APBB3: variants seen among roughly 807,000 people sequenced by gnomAD.
APBB3 encodes amyloid-beta A4 precursor protein-binding family B member 3.
APBB3 carries 50 observed loss-of-function variants against 61.5 expected under a neutral mutation model. The ratio of observed to expected loss-of-function variants is 0.81; its 90% confidence interval spans 0.65 to 1.03. APBB3 has a LOEUF of 1.03. APBB3 is among the 50% of genes least tolerant of loss of function. The pLI, the probability that APBB3 is intolerant of heterozygous loss-of-function variation, is 0.00. For synonymous variants in APBB3, 235 were observed against 233.0 expected (o/e 1.01, Z -0.08); for missense variants, 550 against 637.4 (o/e 0.86, Z 1.48).
Position 140,558,668 on chromosome 5 carries a change from C to T in APBB3, c.1378G>A (p.Ala460Thr), listed in dbSNP as rs1447075968. The change falls in exon 13 of 13, where the codon GCA becomes ACA. Residue 460 changes from alanine (A) to threonine (T), a missense_variant. Physicochemically the swap from Ala to Thr is moderately conservative, Grantham distance 58. Transcript: ENST00000357560. ...LPLLKGGVGG[A>T]GATPRKRGVF... ...CCCCGCTTTCGAGGGGTTGCCCCTG[C>T]ACCGCCAACCCCTCCTTTGAGCAGG... The T allele has an allele frequency of 3.1e-6, 5 of 1,613,534 alleles. No individual in the cohort carries two copies. In the African/African-American group the frequency reaches 4.0e-5, roughly 13 times the overall value.
intron 12 of APBB3, 123 bp from the exon 13 acceptor site, chr5:140,558,944 G>A: frequency 1.2e-6 from 1 of 851,964 alleles, no homozygotes; most frequent in Non-Finnish European, 1.9e-6. Flanking sequence ...TCAGCCACAT[G>A]TGGAGTTTCT....
chr5:140,563,311 G>C, intron 3 of APBB3: 1 of 482,850 alleles, frequency 2.1e-6, no homozygotes, highest in Non-Finnish European at 3.7e-6. Context: ...CCCCAAAGTG[G>C]GACAAGAGAC....
Position 140,561,431 on chromosome 5 carries a change from C to A in APBB3, c.766G>T (p.Glu256Ter). The change falls in exon 9 of 13, where the codon GAG (glutamate) becomes TAG (stop). Residue 256 changes from glutamate to a stop codon, truncating the protein, a stop_gained. Coordinates refer to ENST00000357560, the MANE Select transcript of APBB3 (RefSeq NM_133173.3). LOFTEE classifies it high-confidence loss of function. ...CAGCAAGAGGCATCACCACTGACCT[C>A]TACTCGCTCTGACAAGATCTAAAAC... ...LCAQILSERV[E>*]VSGDASCCSP... 1.2e-6 allele frequency: 2 copies of A among 1,614,198 alleles called. No homozygotes were observed. Among genetic ancestry groups the A allele is most frequent in the South Asian group, 1.1e-5 (1 of 91,086 alleles).
Position 140,564,371 on chromosome 5 carries a change from C to A in APBB3, c.-126G>T. The A allele has an allele frequency of 1.7e-6, 2 of 1,180,108 alleles. No homozygotes were observed. The highest frequency in any genetic ancestry group is 2.4e-6 in the Non-Finnish European group (2 of 831,812). The allele number at this position is 1,180,108 out of a possible 1,614,324, so 73.1% of individuals were successfully genotyped here. A position where few individuals can be genotyped will look rare whatever the true frequency, so the allele number is the denominator to read the frequency against. ...GGCTGCGGGGCCAGCTGGCGCCGCA[C>A]AAATACGGGGCGGGACACGGGGCGG... On this transcript the variant is annotated 5_prime_UTR_variant, in exon 1 of 13. Transcript: ENST00000357560. This position sits in a 1 kb window ranked among gnomAD's most constrained non-coding sequence, Gnocchi z 5.0.
In APBB3 at chr5:140,563,682, GAGTT is replaced by G; in HGVS notation, c.214-16_214-13del. On this transcript the variant is annotated splice_polypyrimidine_tract_variant and intron_variant, in intron 2 of 12. Coordinates refer to ENST00000357560, the MANE Select transcript of APBB3 (RefSeq NM_133173.3). ...ATCCCCTCCGTTCCCTGTAGAGTGGGAGTTAGTCAGTTTAACAGCAGACCTAGGT... is the reference window on the plus strand; with the variant it reads ...ATCCCCTCCGTTCCCTGTAGAGTGGGAGTCAGTTTAACAGCAGACCTAGGT... The G allele has an allele frequency of 1.2e-6, 2 of 1,614,144 alleles. No individual in the cohort carries two copies. The highest frequency in any genetic ancestry group is 1.1e-5 in the South Asian group (1 of 91,080).
Position 140,562,431 on chromosome 5 carries a change from A to G in APBB3, c.420T>C (p.Ser140=). The change falls in exon 5 of 13, where the codon AGT becomes AGC. Residue 140 remains serine (S), a synonymous_variant. Coordinates refer to ENST00000357560, the MANE Select transcript of APBB3 (RefSeq NM_133173.3). ...PEEDLAPGKS[S]IAVNNCIQQL... ...GCTGGATACAGTTATTGACTGCAAT[A>G]CTGCTCTTCCCCGGTGCCAGGTCCT... 1.2e-6 allele frequency: 2 copies of G among 1,614,150 alleles called. No individual in the cohort carries two copies. The highest frequency in any genetic ancestry group is 2.2e-5 in the South Asian group (2 of 91,082).
chr5:140,558,930 G>A (rs1161121404), intron 12 of APBB3, 109 bp from the exon 13 acceptor site: 12 of 970,384 alleles, frequency 1.2e-5, no homozygotes, highest in Admixed American at 2.0e-5. Context: ...AACAAGGTTG[G>A]TAGTCAGCCA....
rs770180042 is a variant in APBB3 at position 140,564,293 on chromosome 5, C to G, written c.-48G>C. 1.2e-6 allele frequency: 2 copies of G among 1,600,286 alleles called. No individual in the cohort carries two copies. The highest frequency in any genetic ancestry group is 3.3e-5 in the Admixed American group (2 of 59,860). On this transcript the variant is annotated 5_prime_UTR_variant, in exon 1 of 13. Transcript: ENST00000357560. The surrounding 1 kb of genome is among the most constrained non-coding windows in gnomAD (Gnocchi z 5.0). ...CCTCTGCCGGCCCGCACTCTCAGCCCAGCGCGACCTCTGGAGCTACTGCGC... is the reference window on the plus strand; with the variant it reads ...CCTCTGCCGGCCCGCACTCTCAGCCGAGCGCGACCTCTGGAGCTACTGCGC...
chr5:140,560,746 C>G lies in APBB3; in HGVS notation c.925G>C (p.Val309Leu). The G allele has an allele frequency of 2.5e-6, 4 of 1,614,044 alleles. No homozygotes were observed. Among genetic ancestry groups the G allele is most frequent in the Non-Finnish European group, 2.5e-6 (3 of 1,179,948 alleles). Residue 309 changes from valine (V) to leucine (L), a missense_variant, in exon 11 of 13, where the codon GTG (valine) becomes CTG (leucine). Coordinates refer to ENST00000357560, the MANE Select transcript of APBB3 (RefSeq NM_133173.3). This position sits in a 1 kb window ranked among gnomAD's most constrained non-coding sequence, Gnocchi z 5.1. ...AGGGTACCAATGGCCTCGTTCAGCA[C>G]ATCCATGCCTGGGGGAACATACCCA... ...LPVTKAMGMD[V>L]LNEAIGTLTA...
rs374157721 is a variant in APBB3, at chr5:140,560,999, C to G, written c.916+19G>C. 2.9e-5 allele frequency: 47 copies of G among 1,609,370 alleles called. No individual in the cohort carries two copies. In the African/African-American group the frequency reaches 6.3e-4, roughly 21 times the overall value. ...CTTGCCTCACACAGCCCACCACATG[C>G]AGCCCCCTCAGTCCTCACCCATGGC... On this transcript the variant is annotated intron_variant, in intron 10 of 12. Transcript: ENST00000357560. The surrounding 1 kb of genome is among the most constrained non-coding windows in gnomAD (Gnocchi z 5.1).
intron 3 of APBB3, 96 bp from the exon 4 acceptor site, chr5:140,562,819 G>T: frequency 8.7e-7 from 1 of 1,151,558 alleles, no homozygotes; most frequent in Non-Finnish European, 1.3e-6. Flanking sequence ...TGAGGGGCAA[G>T]ACCCAGAATA....
Position 140,561,767 on chromosome 5 carries a change from A to C in APBB3, c.633-66T>G. On this transcript the variant is annotated intron_variant, in intron 7 of 12. Coordinates refer to ENST00000357560, the MANE Select transcript of APBB3 (RefSeq NM_133173.3). ...GAGGCAGGAGCCTGCAGGAGGCTGGAAAGTCAGGCTAGGGATATAGCAGGG... is the reference window on the plus strand; with the variant it reads ...GAGGCAGGAGCCTGCAGGAGGCTGGCAAGTCAGGCTAGGGATATAGCAGGG... The C allele has an allele frequency of 1.9e-6, 3 of 1,614,008 alleles. No homozygotes were observed. In the African/African-American group the frequency reaches 4.0e-5, roughly 22 times the overall value.
chr5:140,562,523 G>A, intron 4 of APBB3, 24 bp from the exon 5 acceptor site: 1 of 1,613,404 alleles, frequency 6.2e-7, no homozygotes, highest in Non-Finnish European at 8.5e-7. Context: ...GGAAGGGACA[G>A]GAATTAATAA....
rs749641802 is a variant in APBB3, at chr5:140,560,751, A to G, written c.920T>C (p.Met307Thr). The change falls in exon 11 of 13, where the codon ATG becomes ACG. Residue 307 changes from methionine (M) to threonine (T), a missense_variant. This residue lies in a region of APBB3 where 405 missense variants were observed against 483.4 expected (regional missense o/e 0.84). Transcript: ENST00000357560. The surrounding 1 kb of genome is among the most constrained non-coding windows in gnomAD (Gnocchi z 5.1). The stretch of plus-strand genomic sequence containing the variant: ...ACCAATGGCCTCGTTCAGCACATCC[A>G]TGCCTGGGGGAACATACCCAGCGTG... ...GTLPVTKAMG[M>T]DVLNEAIGTL... is the part of the protein sequence containing the mutation. The G allele has an allele frequency of 3.1e-6, 5 of 1,613,810 alleles. No homozygotes were observed. Among genetic ancestry groups the G allele is most frequent in the Admixed American group, 1.7e-5 (1 of 60,006 alleles).
rs555695006 is a variant in APBB3 at position 140,562,341 on chromosome 5, C to A, written c.498+12G>T. ...CCTGGGCCCAAACCATTAAAGGGCC[C>A]AGCCAACTCACCTCACCCCAGGCAC... is the stretch of plus-strand genomic sequence containing the variant. On this transcript the variant is annotated intron_variant, in intron 5 of 12. Coordinates refer to ENST00000357560, the MANE Select transcript of APBB3 (RefSeq NM_133173.3). The A allele has an allele frequency of 2.5e-6, 4 of 1,613,530 alleles. No homozygotes were observed. The highest frequency in any genetic ancestry group is 1.7e-4 in the Middle Eastern group (1 of 6,058).
chr5:140,563,396 T>C (rs1755055532), intron 3 of APBB3, 198 bp downstream of exon 3: 1 of 664,202 alleles, frequency 1.5e-6, no homozygotes, highest in Admixed American at 2.8e-5. Flanking sequence ...AACATGTAGC[T>C]ACAAACAAGA....
intron 12 of APBB3, among the ~76,000 whole-genome samples, chr5:140,559,868 A>G (rs1170664215): frequency 6.6e-6 from 1 of 152,250 alleles, no homozygotes; most frequent in Non-Finnish European, 1.5e-5. Flanking sequence ...AGGGTCAGCT[A>G]TGGTGTCTGG....
rs1289315868 is a variant in APBB3, at chr5:140,560,550, AC to A, written c.1033-47del. ...CACTAGAGGGCCAAGCACGGGCCAG[AC>A]CCACTTAACTTTTCCGACAGCAAGC... On this transcript the variant is annotated intron_variant, in intron 11 of 12. Coordinates refer to ENST00000357560, the MANE Select transcript of APBB3 (RefSeq NM_133173.3). The surrounding 1 kb of genome is among the most constrained non-coding windows in gnomAD (Gnocchi z 5.1). The A allele has an allele frequency of 7.5e-6, 12 of 1,606,078 alleles. No individual in the cohort carries two copies. The highest frequency in any genetic ancestry group is 1.0e-5 in the Non-Finnish European group (12 of 1,174,526).
In APBB3 at chr5:140,562,460, C is replaced by T; in HGVS notation, c.391G>A (p.Glu131Lys). 3 of 1,614,192 alleles carry T rather than the reference C, an allele frequency of 1.9e-6. No homozygotes were observed. Among genetic ancestry groups the T allele is most frequent in the Non-Finnish European group, 2.5e-6 (3 of 1,180,034 alleles). The change falls in exon 5 of 13, where the codon GAA becomes AAA. Residue 131 changes from glutamate (E) to lysine (K), a missense_variant. Coordinates refer to ENST00000357560, the MANE Select transcript of APBB3 (RefSeq NM_133173.3). Reference sequence around the variant, plus strand: ...CTCTTCCCCGGTGCCAGGTCCTCTTCAGGTACCTCTACCCAGCCCAGAGAG... The same window carrying T: ...CTCTTCCCCGGTGCCAGGTCCTCTTTAGGTACCTCTACCCAGCCCAGAGAG... ...VRSLGWVEVP[E>K]EDLAPGKSSI...
Sources: allele counts gnomAD v4.1 joint callset (sites outside exome capture counted in the v4.1 genomes callset), GRCh38; gene constraint gnomAD v4.1.1; regional missense constraint gnomAD v4.1.1; non-coding constraint Gnocchi (gnomAD v3.1); transcripts MANE v1.5; gene names NCBI Gene and HGNC (gene_info 2026-07-23, HGNC 2026-07-21).